SH2D3C: variants seen among roughly 807,000 people sequenced by gnomAD.
SH2D3C encodes the protein SH2 domain containing 3C.
A neutral mutation model predicts 75.2 loss-of-function variants in SH2D3C; 25 were observed. That is an observed-to-expected ratio of 0.33 (90% CI 0.24 to 0.46). SH2D3C has a LOEUF of 0.46. Among genes scored for constraint, SH2D3C ranks in the 20% least tolerant of loss-of-function variants. The pLI is 1.00. For synonymous variants in SH2D3C, 450 were observed against 473.7 expected (o/e 0.95, Z 0.65); for missense variants, 933 against 1,165.3 (o/e 0.80, Z 2.90).
At chr9:127,769,454 C>A (rs1183572511) in intron 2 of SH2D3C, among the ~76,000 whole-genome samples, 1 of 151,756 alleles carries the variant, frequency 6.6e-6, no homozygotes, top group East Asian at 1.9e-4. Flanking sequence ...ATCAGCCTGA[C>A]CAACATGGAG....
chr9:127,739,872 G>T lies in SH2D3C; in HGVS notation c.2217C>A (p.Ser739Arg). Residue 739 changes from serine (S) to arginine (R), a missense_variant, in exon 11 of 12, where the codon AGC becomes AGA. Physicochemically the swap from Ser to Arg is moderately radical, Grantham distance 110. Transcript: ENST00000314830. The surrounding 1 kb of genome is among the most constrained non-coding windows in gnomAD (Gnocchi z 4.3). ...GCAGCACATGAGGAAACGTGGTGTT[G>T]CTCAGCGGCGGGCCTTCTGCAAGGA... is the stretch of plus-strand genomic sequence containing the variant. ...LNEGKEGPPL[S>R]NTTFPHVLPL... is the part of the protein sequence containing the mutation. The T allele has an allele frequency of 6.5e-7, 1 of 1,540,816 alleles. No individual in the cohort carries two copies. The highest frequency in any genetic ancestry group is 8.8e-7 in the Non-Finnish European group (1 of 1,137,986).
In SH2D3C at chr9:127,751,244, C is replaced by T. The variant is rs555425111; in HGVS notation, c.612G>A (p.Leu204=). 224 of 1,613,816 alleles carry T rather than the reference C, an allele frequency of 1.4e-4. 1 individual carries two copies. In the South Asian group the frequency reaches 2.3e-3, roughly 17 times the overall value. The change falls in exon 4 of 12, where the codon TTG becomes TTA. Residue 204 remains leucine (L), a synonymous_variant. Transcript: ENST00000314830. The surrounding 1 kb of genome is among the most constrained non-coding windows in gnomAD (Gnocchi z 4.1). ...TGCTGCTGAGTTTGAGCTCCTCCTC[C>T]AATTCCTTGTGGAGTTTCTCTGGCG... The part of the protein sequence containing the change: ...DSSPEKLHKE[L]EEELKLSSTD...
rs1372200988 is a variant in SH2D3C at position 127,738,474 on chromosome 9, G to T, written c.*272C>A. ...GTGAGCAGCCTGCCTCCCATGGCTC[G>T]AAAACAGGGAACCCCAGCAGGAAGG... On this transcript the variant is annotated 3_prime_UTR_variant, in exon 12 of 12. Coordinates refer to ENST00000314830, the MANE Select transcript of SH2D3C (RefSeq NM_170600.3). This position sits in a 1 kb window ranked among gnomAD's most constrained non-coding sequence, Gnocchi z 5.0. 1 of 319,750 alleles carries T rather than the reference G, an allele frequency of 3.1e-6. No homozygotes were observed. The highest frequency in any genetic ancestry group is 6.0e-5 in the East Asian group (1 of 16,640). 19.8% of individuals were successfully genotyped at this position (319,750 alleles called of 1,614,324 possible).
chr9:127,771,406 A>G (rs1588525514), intron 2 of SH2D3C: 1 of 1,289,294 alleles, frequency 7.8e-7, no homozygotes, highest in Admixed American at 4.1e-5. Flanking sequence ...TCCACCGCCT[A>G]CTCCACCGGC....
Position 127,739,668 on chromosome 9 carries a change from C to T in SH2D3C, c.2407+14G>A, listed in dbSNP as rs201642344. 4 of 1,589,696 alleles carry T rather than the reference C, an allele frequency of 2.5e-6. No individual in the cohort carries two copies. The highest frequency in any genetic ancestry group is 2.7e-5 in the African/African-American group (2 of 74,604). Reference sequence around the variant, plus strand: ...CAGGCCTGCAAGCCCCCCAAGATGCCACCCGCCACTCACCCTGCAGCTTGA... The same window carrying T: ...CAGGCCTGCAAGCCCCCCAAGATGCTACCCGCCACTCACCCTGCAGCTTGA... On this transcript the variant is annotated intron_variant, in intron 11 of 11. Transcript: ENST00000314830. The surrounding 1 kb of genome is among the most constrained non-coding windows in gnomAD (Gnocchi z 4.3).
chr9:127,759,273 T>C (rs1385669877), intron 3 of SH2D3C, among the ~76,000 whole-genome samples: 1 of 152,204 alleles, frequency 6.6e-6, no homozygotes, highest in Non-Finnish European at 1.5e-5. Context: ...TGGAGTACAG[T>C]GGTGCTATCT....
In SH2D3C at chr9:127,774,525, T is replaced by C; in HGVS notation, c.38-58A>G. 3.4e-6 allele frequency: 3 copies of C among 892,656 alleles called. No homozygotes were observed. 55.3% of individuals were successfully genotyped at this position (892,656 alleles called of 1,614,324 possible). On this transcript the variant is annotated intron_variant, in intron 1 of 11. Coordinates refer to ENST00000314830, the MANE Select transcript of SH2D3C (RefSeq NM_170600.3). The surrounding 1 kb of genome is among the most constrained non-coding windows in gnomAD (Gnocchi z 4.3). ...ATGACAATGTCAACATCAGTGATAA[T>C]AATGAACAATTCCTGCAGTTTCACT...
chr9:127,744,759 T>A lies in SH2D3C; in HGVS notation c.1605A>T (p.Glu535Asp). ...CTGTGAAGGTCTTGCCCCAGTCCCC[T>A]TCAGGGGCCCCATTTTCTGACAGTT... The part of the protein sequence containing the change: ...LKELSENGAP[E>D]GDWGKTFTVP... Residue 535 changes from glutamate (E) to aspartate (D), a missense_variant, in exon 7 of 12, where the codon GAA (glutamate) becomes GAT (aspartate). Transcript: ENST00000314830. The A allele has an allele frequency of 6.2e-7, 1 of 1,614,186 alleles. No individual in the cohort carries two copies. The highest frequency in any genetic ancestry group is 1.1e-5 in the South Asian group (1 of 91,090).
At chr9:127,777,199 C>A (rs531008329) in intron 1 of SH2D3C, among the ~76,000 whole-genome samples, 1 of 152,184 alleles carries the variant, frequency 6.6e-6, no homozygotes, top group African/African-American at 2.4e-5. Flanking sequence ...ACATGTCCCC[C>A]ACCCTGGTGG....
chr9:127,769,984 G>T (rs558960756), intron 2 of SH2D3C, among the ~76,000 whole-genome samples: 1 of 152,306 alleles, frequency 6.6e-6, no homozygotes, highest in South Asian at 2.1e-4. Context: ...GACAATTCCA[G>T]TGTGGGTAGG....
At chr9:127,742,338 G>C (rs1588490910) in intron 8 of SH2D3C, among the ~76,000 whole-genome samples, 1 of 152,360 alleles carries the variant, frequency 6.6e-6, no homozygotes, top group South Asian at 2.1e-4. Context: ...CTGGGTTTAA[G>C]CGATTCTTCT....
At position 127,738,670 on chromosome 9, in the gene SH2D3C, G is replaced by T. The variant is rs1844755027; in HGVS notation, c.*76C>A. 2.8e-6 allele frequency: 4 copies of T among 1,420,048 alleles called. No homozygotes were observed. The highest frequency in any genetic ancestry group is 2.8e-6 in the Non-Finnish European group (3 of 1,060,614). The allele number at this position is 1,420,048 out of a possible 1,614,324, so 88.0% of individuals were successfully genotyped here. A position where few individuals can be genotyped will look rare whatever the true frequency, so the allele number is the denominator to read the frequency against. On this transcript the variant is annotated 3_prime_UTR_variant, in exon 12 of 12. Transcript: ENST00000314830. The surrounding 1 kb of genome is among the most constrained non-coding windows in gnomAD (Gnocchi z 5.0). ...TCTCGGGTTGATCACAGTGTCCTTG[G>T]GGTGCTCTGGGGAAAGTTGTGTGCC...
At chr9:127,743,496 C>T (rs1269606008) in intron 7 of SH2D3C, among the ~76,000 whole-genome samples, 1 of 152,034 alleles carries the variant, frequency 6.6e-6, no homozygotes, top group Non-Finnish European at 1.5e-5. Context: ...GAGTGAGACT[C>T]CATCTCAAAA....
intron 3 of SH2D3C, among the ~76,000 whole-genome samples, chr9:127,760,758 C>T (rs1342996097): frequency 6.6e-6 from 1 of 152,180 alleles, no homozygotes; most frequent in East Asian, 1.9e-4. Context: ...AATGCCTCTC[C>T]TCCAGTGTCT....
chr9:127,749,847 G>T lies in SH2D3C; in HGVS notation c.685-182C>A, dbSNP rs563819545. ...GGGATGCAATGACCCAGGTTCACAG[G>T]GGGCACCTCAGCCAGAGGCCCTGAG... On this transcript the variant is annotated intron_variant, in intron 4 of 11. Transcript: ENST00000314830. The surrounding 1 kb of genome is among the most constrained non-coding windows in gnomAD (Gnocchi z 5.9). 6.6e-6 allele frequency among the ~76,000 whole-genome samples: 1 copy of T among 152,206 alleles called. No homozygotes were observed. Among genetic ancestry groups the T allele is most frequent in the East Asian group, 1.9e-4 (1 of 5,172 alleles).
intron 2 of SH2D3C, chr9:127,766,851 T>G: frequency 3.7e-6 from 5 of 1,367,144 alleles, no homozygotes; most frequent in African/African-American, 1.4e-5. Context: ...GTTACAGGCG[T>G]GAGCCCTGTG....
In SH2D3C at chr9:127,744,541, C is replaced by T. The variant is rs548698866; in HGVS notation, c.1800+23G>A. On this transcript the variant is annotated intron_variant, in intron 7 of 11. Transcript: ENST00000314830. ...CACAGAACAGAGATGCTCCCTCCAC[C>T]CCAGTGCACAGCCAGCACCTACCAG... 34 of 1,585,834 alleles carry T rather than the reference C, an allele frequency of 2.1e-5. 1 individual carries two copies. The South Asian group carries it at 3.5e-4, about 17-fold the overall frequency.
rs1189663346 is a variant in SH2D3C, at chr9:127,754,867, T to C, written c.556-3567A>G. 2.0e-6 allele frequency: 1 copy of C among 501,228 alleles called. No individual in the cohort carries two copies. The allele number at this position is 501,228 out of a possible 1,614,324, so 31.0% of individuals were successfully genotyped here. A position where few individuals can be genotyped will look rare whatever the true frequency, so the allele number is the denominator to read the frequency against. On this transcript the variant is annotated intron_variant, in intron 3 of 11. Transcript: ENST00000314830. This position sits in a 1 kb window ranked among gnomAD's most constrained non-coding sequence, Gnocchi z 4.4. ...CTACCGCAGCCCAGAGTCCCAGGAG[T>C]GGCCGCCGAACCCTCACCCCGCGGA...
At chr9:127,752,140 G>A (rs1443752431) in intron 3 of SH2D3C, among the ~76,000 whole-genome samples, 3 of 152,130 alleles carry the variant, frequency 2.0e-5, no homozygotes, top group African/African-American at 7.2e-5. Context: ...GCCTGAAGTT[G>A]GAGGCTGATG....
Sources: gnomAD v4.1 joint callset for allele counts (sites outside exome capture counted in the v4.1 genomes callset) on GRCh38, gnomAD v4.1.1 for gene constraint, Gnocchi (gnomAD v3.1) non-coding constraint, MANE v1.5 for transcripts, NCBI Gene and HGNC (gene_info 2026-07-23, HGNC 2026-07-21) for gene names.